Variants in TSHZ3 observed in about 807,000 individuals in gnomAD.
The protein encoded by TSHZ3 is teashirt zinc finger homeobox 3.
In TSHZ3, 10 loss-of-function variants were observed where a neutral mutation model predicts 64.5. The observed-to-expected ratio is 0.16, with a 90% CI of 0.10 to 0.26. The LOEUF (loss-of-function observed/expected upper bound fraction) is 0.26, where lower values mean the gene tolerates loss of function less well. Ranked by LOEUF, TSHZ3 falls within the 10% of genes least tolerant of loss-of-function variation. The pLI is 1.00. For missense variants in TSHZ3, 1,242 were observed against 1,421.7 expected, an observed-to-expected ratio of 0.87 and a Z score of 2.03; for synonymous variants, 608 against 593.1, an observed-to-expected ratio of 1.03 and a Z score of -0.36.
intron 1 of TSHZ3, among the ~76,000 whole-genome samples, chr19:31,345,110 C>T (rs913170919): frequency 6.6e-6 from 1 of 152,170 alleles, no homozygotes; most frequent in Non-Finnish European, 1.5e-5. Context: ...AGCCTTGCCT[C>T]CCACCTCCTT....
At chr19:31,259,697 A>G (rs950699413) in intron 1 of TSHZ3, among the ~76,000 whole-genome samples, 1 of 152,176 alleles carries the variant, frequency 6.6e-6, no homozygotes, top group African/African-American at 2.4e-5. Context: ...AGAAACCCTC[A>G]TTCTTCCAAC....
chr19:31,335,413 TG>T (rs1280796458), intron 1 of TSHZ3, among the ~76,000 whole-genome samples: 1 of 152,204 alleles, frequency 6.6e-6, no homozygotes, highest in African/African-American at 2.4e-5. Context: ...GCCCGGACAC[TG>T]CCATCCACCT....
intron 1 of TSHZ3, among the ~76,000 whole-genome samples, chr19:31,311,313 A>AC (rs1272580974): frequency 6.6e-6 from 1 of 152,174 alleles, no homozygotes; most frequent in African/African-American, 2.4e-5. Context: ...TAGCCCACTC[A>AC]CCCCCAACAA....
downstream of TSHZ3, among the ~76,000 whole-genome samples, chr19:31,271,323 G>A (rs893900446): frequency 1.3e-5 from 2 of 152,208 alleles, no homozygotes; most frequent in Admixed American, 6.5e-5. Flanking sequence ...AATGGTGCCC[G>A]TGAGTCAAAC....
chr19:31,150,337 G>T (rs1455609652), exon 7 of TSHZ3, among the ~76,000 whole-genome samples: 9 of 152,208 alleles, frequency 5.9e-5, no homozygotes, highest in Non-Finnish European at 1.3e-4. Flanking sequence ...TGGCCTGCAA[G>T]GGGGATGGGC....
At position 31,309,327 on chromosome 19, in the gene TSHZ3, T is replaced by G. The variant is rs531411904; in HGVS notation, c.41-29575A>C. Among the ~76,000 whole-genome samples, 19 of 152,162 alleles carry G rather than the reference T, an allele frequency of 1.2e-4. No homozygotes were observed. In the South Asian group the frequency reaches 3.9e-3, roughly 32 times the overall value. On this transcript the variant is annotated intron_variant, in intron 1 of 1. Coordinates refer to ENST00000240587, the MANE Select transcript of TSHZ3 (RefSeq NM_020856.4). ...GAGAGAGAGGGAGTAGATTCGGAATTCCTTGCCTGAAGGAGGAACATGGCC... is the reference window on the plus strand; with the variant it reads ...GAGAGAGAGGGAGTAGATTCGGAATGCCTTGCCTGAAGGAGGAACATGGCC...
downstream of TSHZ3, among the ~76,000 whole-genome samples, chr19:31,271,616 T>G (rs911753999): frequency 6.6e-6 from 1 of 152,198 alleles, no homozygotes; most frequent in Non-Finnish European, 1.5e-5. Flanking sequence ...CAGAGGCCGG[T>G]GAGCCCTGGC....
intron 6 of TSHZ3, among the ~76,000 whole-genome samples, chr19:31,155,490 A>G (rs772335114): frequency 3.3e-5 from 5 of 152,212 alleles, no homozygotes; most frequent in African/African-American, 4.8e-5. Context: ...TTTTGAGGAC[A>G]TATCTTTCCG....
intron 1 of TSHZ3, among the ~76,000 whole-genome samples, chr19:31,296,327 ATTTTT>A (rs35057697): frequency 2.3e-4 from 22 of 94,016 alleles, no homozygotes; most frequent in African/African-American, 4.6e-4. Context: ...AGTGCTGTGA[ATTTTT>A]TTTTTTTTTT....
At chr19:31,294,651 C>G (rs1337344724) in intron 1 of TSHZ3, among the ~76,000 whole-genome samples, 6 of 152,192 alleles carry the variant, frequency 3.9e-5, no homozygotes, top group African/African-American at 1.4e-4. Context: ...AACCTCATGT[C>G]TATATATTAA....
At chr19:31,219,376 T>C (rs1290199006) in intron 4 of TSHZ3, among the ~76,000 whole-genome samples, 3 of 152,170 alleles carry the variant, frequency 2.0e-5, no homozygotes, top group Non-Finnish European at 2.9e-5. Context: ...TCATTTTTCT[T>C]ATCAAGTCCA....
At chr19:31,254,564 G>A (rs1281471232) in intron 1 of TSHZ3, among the ~76,000 whole-genome samples, 1 of 152,222 alleles carries the variant, frequency 6.6e-6, no homozygotes, top group Non-Finnish European at 1.5e-5. Flanking sequence ...CACAATGGAT[G>A]CATTTCTGAG....
At chr19:31,247,570 G>A (rs952749433) in intron 1 of TSHZ3, among the ~76,000 whole-genome samples, 9 of 152,184 alleles carry the variant, frequency 5.9e-5, no homozygotes, top group African/African-American at 2.2e-4. Context: ...GGAGGCCAAG[G>A]AGAGATGAGC....
chr19:31,265,088 C>T (rs1003563720), intron 1 of TSHZ3, among the ~76,000 whole-genome samples: 6 of 151,986 alleles, frequency 3.9e-5, no homozygotes, highest in Admixed American at 6.5e-5. Flanking sequence ...GAACCTGCTC[C>T]CAGTGGGTCA....
At chr19:31,215,120 G>A (rs1975309500) in intron 4 of TSHZ3, among the ~76,000 whole-genome samples, 1 of 152,086 alleles carries the variant, frequency 6.6e-6, no homozygotes, top group African/African-American at 2.4e-5. Flanking sequence ...CCAGACATTA[G>A]TCATTTAGAT....
chr19:31,203,780 C>A (rs1975121678), intron 5 of TSHZ3, among the ~76,000 whole-genome samples: 1 of 151,456 alleles, frequency 6.6e-6, no homozygotes, highest in Non-Finnish European at 1.5e-5. Context: ...CTTTCCTTTT[C>A]TCTTCCCTTT....
At chr19:31,257,284 G>GC (rs1480892138) in intron 1 of TSHZ3, among the ~76,000 whole-genome samples, 1 of 152,220 alleles carries the variant, frequency 6.6e-6, no homozygotes, top group Non-Finnish European at 1.5e-5. Context: ...CCAGACACCA[G>GC]CCCCAGAGGG....
chr19:31,330,377 C>T (rs1030790953), intron 1 of TSHZ3, among the ~76,000 whole-genome samples: 6 of 152,192 alleles, frequency 3.9e-5, no homozygotes, highest in African/African-American at 1.4e-4. Flanking sequence ...CTAGCACAGG[C>T]CTCGGGAGGT....
intron 1 of TSHZ3, among the ~76,000 whole-genome samples, chr19:31,265,219 A>C (rs559735456): frequency 1.2e-4 from 18 of 151,868 alleles, no homozygotes; most frequent in Non-Finnish European, 2.6e-4. Flanking sequence ...CAACATGGTG[A>C]AACCCCGTCT....
Sources: gnomAD v4.1 joint callset for allele counts (sites outside exome capture counted in the v4.1 genomes callset) on GRCh38, gnomAD v4.1.1 for gene constraint, MANE v1.5 for transcripts, NCBI Gene and HGNC (gene_info 2026-07-23, HGNC 2026-07-21) for gene names.